WDR70: variants seen among roughly 807,000 people sequenced by gnomAD.
The protein encoded by WDR70 is WD repeat domain 70.
A neutral mutation model predicts 88.6 loss-of-function variants in WDR70; 53 were observed. That is an observed-to-expected ratio of 0.60 (90% confidence interval 0.48 to 0.75). The LOEUF (loss-of-function observed/expected upper bound fraction) is 0.75. Ranked by LOEUF, WDR70 falls within the 30% of genes least tolerant of loss-of-function variation. WDR70 has a pLI of 0.00. For missense variants in WDR70, 610 were observed against 823.2 expected (o/e 0.74, Z 3.17); for synonymous variants, 280 against 270.0 (o/e 1.04, Z -0.36).
chr5:37,502,781 A>G (rs1467200700), intron 8 of WDR70, among the ~76,000 whole-genome samples: 1 of 152,200 alleles, frequency 6.6e-6, no homozygotes, highest in Non-Finnish European at 1.5e-5. Flanking sequence ...GCAGGAGCAG[A>G]TACTTCACAT....
intron 5 of WDR70, among the ~76,000 whole-genome samples, chr5:37,402,138 T>C (rs980473906): frequency 1.3e-5 from 2 of 152,194 alleles, no homozygotes; most frequent in African/African-American, 2.4e-5. Flanking sequence ...TCTCCACTTT[T>C]ATGAGATCAG....
chr5:37,622,479 C>G (rs2112507503), intron 10 of WDR70, among the ~76,000 whole-genome samples: 1 of 152,164 alleles, frequency 6.6e-6, no homozygotes, highest in Non-Finnish European at 1.5e-5. Context: ...ATAGCAAAGA[C>G]TTGGAACCAA....
chr5:37,548,522 C>T (rs1369365499), intron 9 of WDR70, among the ~76,000 whole-genome samples: 1 of 152,002 alleles, frequency 6.6e-6, no homozygotes, highest in Non-Finnish European at 1.5e-5. Context: ...GTTTCAGCTC[C>T]TTATATATTT....
chr5:37,444,606 G>C (rs1365781120), intron 7 of WDR70, among the ~76,000 whole-genome samples: 2 of 152,114 alleles, frequency 1.3e-5, no homozygotes, highest in African/African-American at 4.8e-5. Context: ...TCTTCCCAAA[G>C]TGCTGGGATT....
intron 9 of WDR70, among the ~76,000 whole-genome samples, chr5:37,544,392 T>C (rs1581381869): frequency 6.6e-6 from 1 of 152,212 alleles, no homozygotes; most frequent in Non-Finnish European, 1.5e-5. Flanking sequence ...CAATAACATA[T>C]GTTATACTTG....
At chr5:37,519,392 G>C (rs1377972101) in intron 9 of WDR70, among the ~76,000 whole-genome samples, 1 of 149,808 alleles carries the variant, frequency 6.7e-6, no homozygotes, top group East Asian at 2.0e-4. Flanking sequence ...TGGGGCAGCC[G>C]GGCGGAGGCG....
chr5:37,532,908 C>G (rs1024116771), intron 9 of WDR70, among the ~76,000 whole-genome samples: 1 of 152,090 alleles, frequency 6.6e-6, no homozygotes, highest in African/African-American at 2.4e-5. Flanking sequence ...GAGGGAAGAT[C>G]TGGGATTCAA....
chr5:37,608,818 C>T (rs888540470), intron 10 of WDR70, among the ~76,000 whole-genome samples: 3 of 152,162 alleles, frequency 2.0e-5, no homozygotes, highest in African/African-American at 7.2e-5. Context: ...CTCAGCCTCC[C>T]CAAGTGCTGG....
At chr5:37,740,345 C>T (rs975755361) in intron 17 of WDR70, among the ~76,000 whole-genome samples, 5 of 152,088 alleles carry the variant, frequency 3.3e-5, no homozygotes. Context: ...GAAATAAATT[C>T]AAAGATAAAA....
intron 10 of WDR70, among the ~76,000 whole-genome samples, chr5:37,695,213 C>T (rs1166735311): frequency 6.6e-6 from 1 of 152,026 alleles, no homozygotes; most frequent in African/African-American, 2.4e-5. Flanking sequence ...TGAGAACTCA[C>T]CCACTATCAT....
chr5:37,403,650 A>G (rs1554137259), intron 5 of WDR70, among the ~76,000 whole-genome samples: 1 of 152,214 alleles, frequency 6.6e-6, no homozygotes, highest in Non-Finnish European at 1.5e-5. Context: ...TTTAGCAAAT[A>G]TTGTTGAAAT....
At chr5:37,415,638 C>G (rs377405382) in intron 5 of WDR70, among the ~76,000 whole-genome samples, 24,120 of 146,156 alleles carry the variant, frequency 0.17, 2,096 homozygotes, top group South Asian at 0.19. Context: ...CCCTCCCGGA[C>G]GGGGCGGCTG....
intron 9 of WDR70, among the ~76,000 whole-genome samples, chr5:37,528,710 A>G (rs536130948): frequency 6.6e-6 from 1 of 152,276 alleles, no homozygotes; most frequent in South Asian, 2.1e-4. Flanking sequence ...GATTCTAGGT[A>G]TTAGTCCTTT....
chr5:37,694,258 A>C (rs1474957971), intron 10 of WDR70, among the ~76,000 whole-genome samples: 3 of 152,182 alleles, frequency 2.0e-5, no homozygotes, highest in African/African-American at 7.2e-5. Context: ...TGAGAGTTTA[A>C]ATTAGTTTAA....
intron 8 of WDR70, among the ~76,000 whole-genome samples, chr5:37,491,309 T>A (rs2112192634): frequency 6.6e-6 from 1 of 152,318 alleles, no homozygotes. Context: ...GATTATCTAC[T>A]CATTAAGCTT....
At chr5:37,624,994 G>T (rs1744623935) in intron 10 of WDR70, among the ~76,000 whole-genome samples, 1 of 152,164 alleles carries the variant, frequency 6.6e-6, no homozygotes, top group South Asian at 2.1e-4. Context: ...ATATTTATAG[G>T]ATTTATGACT....
chr5:37,679,157 CT>C (rs1484703730), intron 10 of WDR70, among the ~76,000 whole-genome samples: 2 of 152,084 alleles, frequency 1.3e-5, no homozygotes, highest in Admixed American at 6.5e-5. Context: ...AAGTTTTTAA[CT>C]TCTTTGCCTT....
At chr5:37,745,311 A>C (rs992317117) in intron 17 of WDR70, among the ~76,000 whole-genome samples, 1 of 151,644 alleles carries the variant, frequency 6.6e-6, no homozygotes, top group African/African-American at 2.4e-5. Context: ...AATACCAGCC[A>C]CTGCAAAAAC....
chr5:37,586,569 C>A (rs1743370465), intron 9 of WDR70, among the ~76,000 whole-genome samples: 1 of 152,068 alleles, frequency 6.6e-6, no homozygotes, highest in South Asian at 2.1e-4. Flanking sequence ...AGCCCCCCAC[C>A]CACCGGCAGG....
Sources: allele counts gnomAD v4.1 joint callset (sites outside exome capture counted in the v4.1 genomes callset), GRCh38; gene constraint gnomAD v4.1.1; transcripts MANE v1.5; gene names NCBI Gene and HGNC (gene_info 2026-07-23, HGNC 2026-07-21).